ZSWIM6: variants seen among roughly 807,000 people sequenced by gnomAD.
ZSWIM6 encodes zinc finger SWIM-type containing 6, also known as zinc finger SWIM domain-containing protein 6.
In ZSWIM6, 9 loss-of-function variants were observed where a neutral mutation model predicts 113.2. The observed-to-expected ratio is 0.08, with a 90% CI of 0.05 to 0.14. The LOEUF is 0.14. Among genes scored for constraint, ZSWIM6 ranks in the 10% least tolerant of loss-of-function variants. ZSWIM6 has a pLI of 1.00. For missense variants in ZSWIM6, 1,162 were observed against 1,552.2 expected (o/e 0.75, Z 4.22); for synonymous variants, 611 against 606.5 (o/e 1.01, Z -0.11).
intron 2 of ZSWIM6, among the ~76,000 whole-genome samples, chr5:61,490,427 C>A (rs527804012): frequency 1.2e-4 from 18 of 152,144 alleles, no homozygotes; most frequent in African/African-American, 3.4e-4. Context: ...TTTCTAAAGT[C>A]TTTGAAAGAC....
intron 4 of ZSWIM6, among the ~76,000 whole-genome samples, chr5:61,506,416 CT>C (rs1450610157): frequency 6.6e-6 from 1 of 151,876 alleles, no homozygotes; most frequent in African/African-American, 2.4e-5. Context: ...AACCCTATAT[CT>C]ACTGAAAATG....
intron 1 of ZSWIM6, among the ~76,000 whole-genome samples, chr5:61,349,686 A>G (rs990620293): frequency 3.3e-5 from 5 of 152,156 alleles, no homozygotes; most frequent in Admixed American, 2.0e-4. Context: ...TCTGAAAGCA[A>G]TTTATTTATT....
At chr5:61,370,397 T>G (rs1167300420) in intron 1 of ZSWIM6, among the ~76,000 whole-genome samples, 1 of 152,254 alleles carries the variant, frequency 6.6e-6, no homozygotes, top group Non-Finnish European at 1.5e-5. Flanking sequence ...CTCCTTGTAT[T>G]TCCTATGCAT....
At position 61,525,932 on chromosome 5, in the gene ZSWIM6, C is replaced by G. The variant is rs1749264938; in HGVS notation, c.1646C>G (p.Thr549Ser). 6.4e-7 allele frequency: 1 copy of G among 1,552,082 alleles called. No homozygotes were observed. Among genetic ancestry groups the G allele is most frequent in the African/African-American group, 1.4e-5 (1 of 73,064 alleles). The change falls in exon 6 of 14, where the codon ACT (threonine) becomes AGT (serine). Residue 549 changes from threonine (T) to serine (S), a missense_variant. This residue lies in a region of ZSWIM6 where 620 missense variants were observed against 804.6 expected (regional missense o/e 0.77). Transcript: ENST00000252744. ...LYTNYCYHDDTENSLFDSRGW... is the reference protein window; with the variant it reads ...LYTNYCYHDDSENSLFDSRGW... ...ACCAACTACTGTTACCATGACGACA[C>G]TGAAAACTCCCTCTTCGACTCCCGC...
At chr5:61,375,876 C>T in intron 1 of ZSWIM6, 2 of 994,558 alleles carry the variant, frequency 2.0e-6, no homozygotes, top group Non-Finnish European at 1.5e-6. Context: ...AATCAGGATT[C>T]CCTTATAAAG....
intron 1 of ZSWIM6, among the ~76,000 whole-genome samples, chr5:61,458,581 A>G (rs1238988740): frequency 6.6e-6 from 1 of 152,018 alleles, no homozygotes. Flanking sequence ...TTTTTCAGGT[A>G]TACAGATGAG....
intron 4 of ZSWIM6, among the ~76,000 whole-genome samples, chr5:61,516,630 T>C (rs776324678): frequency 2.0e-5 from 3 of 151,218 alleles, no homozygotes; most frequent in East Asian, 3.9e-4. Flanking sequence ...AGTACCTCTA[T>C]GTGCATTTAA....
chr5:61,449,017 G>A (rs150774556), intron 1 of ZSWIM6, among the ~76,000 whole-genome samples: 10 of 152,294 alleles, frequency 6.6e-5, no homozygotes, highest in South Asian at 4.1e-4. Flanking sequence ...AAGCATCTCC[G>A]TTCCCACTTT....
chr5:61,392,932 C>T (rs1385010005), intron 1 of ZSWIM6, among the ~76,000 whole-genome samples: 1 of 151,982 alleles, frequency 6.6e-6, no homozygotes, highest in Non-Finnish European at 1.5e-5. Flanking sequence ...TATTTTTTAA[C>T]TCAATACTTT....
At chr5:61,407,784 C>A (rs1049669177) in intron 1 of ZSWIM6, among the ~76,000 whole-genome samples, 2 of 152,116 alleles carry the variant, frequency 1.3e-5, no homozygotes, top group Non-Finnish European at 2.9e-5. Context: ...CACTAAGATA[C>A]AATTTTTCAC....
At chr5:61,484,966 G>C (rs1747976852) in intron 2 of ZSWIM6, among the ~76,000 whole-genome samples, 2 of 152,110 alleles carry the variant, frequency 1.3e-5, no homozygotes, top group Non-Finnish European at 2.9e-5. Context: ...TGCCTCCAGG[G>C]GACATTGTGA....
At chr5:61,358,378 T>C (rs945751376) in intron 1 of ZSWIM6, among the ~76,000 whole-genome samples, 2 of 152,214 alleles carry the variant, frequency 1.3e-5, no homozygotes, top group Non-Finnish European at 2.9e-5. Flanking sequence ...ACTGCTGTTA[T>C]TTGAAGCAGT....
intron 2 of ZSWIM6, among the ~76,000 whole-genome samples, chr5:61,479,001 T>C (rs1747784667): frequency 6.6e-6 from 1 of 152,018 alleles, no homozygotes; most frequent in Non-Finnish European, 1.5e-5. Context: ...TGAAACCCTG[T>C]CTCTAGTAAA....
At chr5:61,427,164 A>T (rs1406188184) in intron 1 of ZSWIM6, among the ~76,000 whole-genome samples, 1 of 152,194 alleles carries the variant, frequency 6.6e-6, no homozygotes, top group East Asian at 1.9e-4. Flanking sequence ...CCTACATTTT[A>T]AAGTTTTTTG....
At chr5:61,456,362 C>A (rs916941489) in intron 1 of ZSWIM6, among the ~76,000 whole-genome samples, 3 of 151,902 alleles carry the variant, frequency 2.0e-5, no homozygotes, top group Non-Finnish European at 4.4e-5. Context: ...TTTTTACTTT[C>A]TTGGTTAACA....
At chr5:61,361,217 T>C (rs778993604) in intron 1 of ZSWIM6, among the ~76,000 whole-genome samples, 22 of 152,090 alleles carry the variant, frequency 1.4e-4, no homozygotes, top group Non-Finnish European at 3.1e-4. Context: ...CTTTTAATTA[T>C]CCTGTGTGAG....
chr5:61,526,499 A>G (rs1219670208), intron 7 of ZSWIM6, 103 bp downstream of exon 7: 3 of 1,294,082 alleles, frequency 2.3e-6, no homozygotes, highest in East Asian at 5.4e-5. Flanking sequence ...AAAACCATAG[A>G]TGATGGCTTT....
chr5:61,333,204 C>CCCCCGGCCCGCGCT (rs1744305465), intron 1 of ZSWIM6, among the ~76,000 whole-genome samples: 1 of 151,922 alleles, frequency 6.6e-6, no homozygotes. Context: ...GGGCTCCGCG[C>CCCCCGGCCCGCGCT]CCCCGGCCCG....
intron 1 of ZSWIM6, among the ~76,000 whole-genome samples, chr5:61,440,185 C>G (rs2112145879): frequency 6.6e-6 from 1 of 151,962 alleles, no homozygotes; most frequent in Non-Finnish European, 1.5e-5. Context: ...ATGTTAAGCT[C>G]ACATTTGGAA....
Sources: gnomAD v4.1 joint callset for allele counts (sites outside exome capture counted in the v4.1 genomes callset) on GRCh38, gnomAD v4.1.1 for gene constraint, gnomAD v4.1.1 regional missense constraint, MANE v1.5 for transcripts, NCBI Gene and HGNC (gene_info 2026-07-23, HGNC 2026-07-21) for gene names.